ENTREP2: variants seen among roughly 807,000 people sequenced by gnomAD.
The protein encoded by ENTREP2 is endosomal transmembrane epsin interactor 2, also known as protein ENTREP2.
the ENTREP2 span, among the ~76,000 whole-genome samples, chr15:29,563,586 C>T: frequency 6.6e-6 from 1 of 152,162 alleles, no homozygotes; most frequent in East Asian, 1.9e-4. Context: ...AATCCCAGCA[C>T]TTTGGGAGGC....
chr15:29,129,267 C>T, the ENTREP2 span, among the ~76,000 whole-genome samples: 46 of 152,184 alleles, frequency 3.0e-4, 1 homozygote, highest in South Asian at 9.3e-3. Flanking sequence ...GTTTTGCCAT[C>T]TTGGCCAGGC....
the ENTREP2 span, among the ~76,000 whole-genome samples, chr15:29,207,107 C>G: frequency 6.6e-6 from 1 of 152,280 alleles, no homozygotes; most frequent in East Asian, 1.9e-4. Flanking sequence ...CCAGCTCTTC[C>G]TTACTCCAGA....
chr15:29,255,092 G>C, the ENTREP2 span, among the ~76,000 whole-genome samples: 1 of 152,106 alleles, frequency 6.6e-6, no homozygotes, highest in Non-Finnish European at 1.5e-5. Context: ...CTGGCTTTCT[G>C]TATGAGAAGA....
At chr15:29,506,282 T>C in the ENTREP2 span, among the ~76,000 whole-genome samples, 3 of 152,170 alleles carry the variant, frequency 2.0e-5, no homozygotes, top group Non-Finnish European at 4.4e-5. Flanking sequence ...CTACGATTGA[T>C]TGGTGTACCT....
At chr15:29,637,587 A>G in the ENTREP2 span, among the ~76,000 whole-genome samples, 6 of 152,188 alleles carry the variant, frequency 3.9e-5, no homozygotes, top group Non-Finnish European at 8.8e-5. Flanking sequence ...GGGCTAGAAC[A>G]TACTCTACTT....
the ENTREP2 span, among the ~76,000 whole-genome samples, chr15:29,226,889 G>A: frequency 2.6e-5 from 4 of 152,192 alleles, no homozygotes; most frequent in African/African-American, 4.8e-5. Flanking sequence ...ATACATAATT[G>A]GCTCATTCAA....
At chr15:29,128,662 A>T in the ENTREP2 span, 5 of 769,036 alleles carry the variant, frequency 6.5e-6, no homozygotes, top group Non-Finnish European at 1.1e-5. Flanking sequence ...ACCCTCTTAA[A>T]GAGTAAGAAA....
chr15:29,544,398 G>A, the ENTREP2 span, among the ~76,000 whole-genome samples: 3 of 150,628 alleles, frequency 2.0e-5, no homozygotes, highest in Non-Finnish European at 4.4e-5. Flanking sequence ...TGCAAGATGA[G>A]AAGTTCTGGA....
chr15:29,564,570 G>A, the ENTREP2 span, among the ~76,000 whole-genome samples: 1 of 152,220 alleles, frequency 6.6e-6, no homozygotes, highest in African/African-American at 2.4e-5. Context: ...TCCACACACA[G>A]TTAGTTGCTC....
the ENTREP2 span, among the ~76,000 whole-genome samples, chr15:29,377,991 C>G: frequency 6.6e-6 from 1 of 151,362 alleles, no homozygotes; most frequent in Admixed American, 6.6e-5. Flanking sequence ...ACAGAAAATA[C>G]AAAGGGACAA....
the ENTREP2 span, among the ~76,000 whole-genome samples, chr15:29,301,812 G>A: frequency 6.6e-6 from 1 of 152,192 alleles, no homozygotes; most frequent in Non-Finnish European, 1.5e-5. Context: ...TATAAAAGAG[G>A]CTCCAGAGAA....
chr15:29,246,882 T>C, the ENTREP2 span, among the ~76,000 whole-genome samples: 1 of 151,440 alleles, frequency 6.6e-6, no homozygotes. Flanking sequence ...TGTCCCAGGC[T>C]ACATGGTTGA....
chr15:29,657,048 T>C, the ENTREP2 span, among the ~76,000 whole-genome samples: 8 of 152,102 alleles, frequency 5.3e-5, no homozygotes, highest in African/African-American at 1.4e-4. Context: ...TGGTGAGTGT[T>C]ACAGCTCTTT....
chr15:29,204,891 A>G, the ENTREP2 span, among the ~76,000 whole-genome samples: 1 of 151,926 alleles, frequency 6.6e-6, no homozygotes, highest in East Asian at 1.9e-4. Context: ...AAACATATTC[A>G]CCTCGTTGTG....
chr15:29,313,882 T>C, the ENTREP2 span, among the ~76,000 whole-genome samples: 3 of 152,222 alleles, frequency 2.0e-5, no homozygotes, highest in Non-Finnish European at 4.4e-5. Flanking sequence ...ATTAAGAACA[T>C]TTGTGATTCA....
the ENTREP2 span, among the ~76,000 whole-genome samples, chr15:29,129,232 T>G: frequency 6.6e-5 from 10 of 151,824 alleles, no homozygotes; most frequent in Admixed American, 1.3e-4. Context: ...CCCAGCTAGT[T>G]TTTTGTATTT....
the ENTREP2 span, among the ~76,000 whole-genome samples, chr15:29,608,457 TG>T: frequency 6.6e-6 from 1 of 151,898 alleles, no homozygotes; most frequent in South Asian, 2.1e-4. Flanking sequence ...GAGCCCTTCC[TG>T]ATCAGTCTTG....
the ENTREP2 span, chr15:29,235,011 G>A: frequency 5.5e-6 from 7 of 1,276,566 alleles, no homozygotes; most frequent in African/African-American, 1.5e-5. Flanking sequence ...GTTGCTTGAA[G>A]TTTCAATCTT....
chr15:29,539,665 G>C, the ENTREP2 span, among the ~76,000 whole-genome samples: 1 of 152,076 alleles, frequency 6.6e-6, no homozygotes, highest in African/African-American at 2.4e-5. Context: ...TCTGGGTTTT[G>C]ACTTCCAAGC....
Sources: gnomAD v4.1 joint callset for allele counts (sites outside exome capture counted in the v4.1 genomes callset) on GRCh38, gnomAD v4.1.1 for gene constraint, MANE v1.5 for transcripts, NCBI Gene and HGNC (gene_info 2026-07-23, HGNC 2026-07-21) for gene names.